PSD3: variants seen among roughly 807,000 people sequenced by gnomAD.
The protein encoded by PSD3 is PH and SEC7 domain-containing protein 3.
PSD3 carries 49 observed loss-of-function variants against 105.5 expected under a neutral mutation model. The ratio of observed to expected loss-of-function variants is 0.46; its 90% confidence interval spans 0.37 to 0.59. The LOEUF (loss-of-function observed/expected upper bound fraction) is 0.59, where lower values mean the gene tolerates loss of function less well. PSD3 is among the 20% of genes least tolerant of loss of function. The probability of loss-of-function intolerance (pLI) is 0.00; values close to 1 mark genes in which losing one functional copy is unlikely to be tolerated. For missense variants in PSD3, 1,561 were observed against 1,263.8 expected (o/e 1.24, Z -3.57); for synonymous variants, 557 against 457.8 (o/e 1.22, Z -2.77).
intron 9 of PSD3, among the ~76,000 whole-genome samples, chr8:18,756,534 G>T (rs1479893378): frequency 7.2e-6 from 1 of 139,300 alleles, no homozygotes; most frequent in Non-Finnish European, 1.5e-5. Flanking sequence ...TTAGAAATGC[G>T]ATTTGGATTC....
intron 8 of PSD3, among the ~76,000 whole-genome samples, chr8:18,770,802 A>C (rs1807449082): frequency 6.6e-6 from 1 of 152,254 alleles, no homozygotes. Context: ...GCCTTCTGCC[A>C]GCAAGGGCAA....
chr8:18,958,032 T>C (rs1349234561), intron 1 of PSD3, among the ~76,000 whole-genome samples: 4 of 152,208 alleles, frequency 2.6e-5, no homozygotes, highest in Admixed American at 2.0e-4. Context: ...CTCTTAATAA[T>C]TTATTCCACA....
Position 18,529,629 on chromosome 8 carries a change from T to C in PSD3, c.*6114A>G, listed in dbSNP as rs1248250476. 2.2e-4 allele frequency: 34 copies of C among 152,620 alleles called. No homozygotes were observed. Among genetic ancestry groups the C allele is most frequent in the Admixed American group, 2.2e-3 (34 of 15,284 alleles). The allele number at this position is 152,620 out of a possible 1,614,324, so 9.5% of individuals were successfully genotyped here. ...TTGTTCCTACAGTTTTACAAAAGTA[T>C]CTTAACAGCATTAAAAATCAATGTG... On this transcript the variant is annotated 3_prime_UTR_variant, in exon 16 of 16. Coordinates refer to ENST00000327040, the MANE Select transcript of PSD3 (RefSeq NM_015310.4).
In PSD3 at chr8:18,793,471, T is replaced by C. The variant is rs373581507; in HGVS notation, c.2082+5824A>G. On this transcript the variant is annotated intron_variant, in intron 8 of 15. Transcript: ENST00000327040. ...GTAACAAACCTGCACATCCTGCACA[T>C]AGACCCCTGACCTTAAAGTTAGAAA... 3.1e-3 allele frequency among the ~76,000 whole-genome samples: 470 copies of C among 149,798 alleles called. 2 individuals carry two copies. The highest frequency in any genetic ancestry group is 0.011 in the African/African-American group (431 of 40,802).
At chr8:18,931,122 AT>A (rs143431609) in intron 2 of PSD3, among the ~76,000 whole-genome samples, 5,788 of 149,846 alleles carry the variant, frequency 0.039, 282 homozygotes, top group East Asian at 0.17. Flanking sequence ...TCTTTTGCCC[AT>A]TTTTTTTTCC....
chr8:18,929,144 C>A (rs1421208599), intron 2 of PSD3, among the ~76,000 whole-genome samples: 5 of 152,042 alleles, frequency 3.3e-5, no homozygotes, highest in Non-Finnish European at 7.4e-5. Flanking sequence ...AAGTATTCAG[C>A]CTTCTGGGTC....
chr8:18,723,145 G>T (rs1279153815), intron 9 of PSD3, among the ~76,000 whole-genome samples: 2 of 152,150 alleles, frequency 1.3e-5, no homozygotes, highest in Non-Finnish European at 2.9e-5. Flanking sequence ...TCTTAAGAGT[G>T]ACCCACAGTA....
intron 10 of PSD3, among the ~76,000 whole-genome samples, chr8:18,644,984 C>G (rs796668469): frequency 1.3e-5 from 2 of 152,186 alleles, no homozygotes; most frequent in Non-Finnish European, 2.9e-5. Flanking sequence ...TGCTTTGCTG[C>G]CCTTCTCCTA....
At chr8:18,617,777 A>G (rs1415433615) in intron 11 of PSD3, among the ~76,000 whole-genome samples, 1 of 152,190 alleles carries the variant, frequency 6.6e-6, no homozygotes, top group African/African-American at 2.4e-5. Context: ...CGACACTGAC[A>G]AAACAGACTC....
intron 9 of PSD3, among the ~76,000 whole-genome samples, chr8:18,762,720 C>T (rs566416808): frequency 6.6e-6 from 1 of 152,266 alleles, no homozygotes; most frequent in African/African-American, 2.4e-5. Context: ...TATCATCTAT[C>T]CCTTCAATAC....
chr8:18,534,593 CAGAAGATTCCT>C lies in PSD3; in HGVS notation c.*1139_*1149del. ...AACAAAGTCACTTTGCACCTGCAAC[CAGAAGATTCCT>C]CAGTTTTCCAACCATAATTCATTCT... On this transcript the variant is annotated 3_prime_UTR_variant, in exon 16 of 16. Transcript: ENST00000327040. 6.6e-6 allele frequency: 1 copy of C among 152,270 alleles called. No homozygotes were observed. Among genetic ancestry groups the C allele is most frequent in the Admixed American group, 6.5e-5 (1 of 15,304 alleles). 9.4% of individuals were successfully genotyped at this position (152,270 alleles called of 1,614,324 possible). A position where few individuals can be genotyped will look rare whatever the true frequency, so the allele number is the denominator to read the frequency against.
intron 9 of PSD3, among the ~76,000 whole-genome samples, chr8:18,672,878 A>C (rs999597064): frequency 7.2e-5 from 11 of 152,180 alleles, no homozygotes; most frequent in African/African-American, 2.4e-4. Flanking sequence ...TTAAACCCAA[A>C]GTTAATTAAG....
intron 11 of PSD3, among the ~76,000 whole-genome samples, chr8:18,602,207 C>T (rs976890926): frequency 1.3e-5 from 2 of 152,176 alleles, no homozygotes; most frequent in African/African-American, 2.4e-5. Flanking sequence ...AAAATCTACA[C>T]ATCTACGTTT....
At chr8:18,608,984 T>C (rs998007250) in intron 11 of PSD3, among the ~76,000 whole-genome samples, 1 of 152,218 alleles carries the variant, frequency 6.6e-6, no homozygotes, top group African/African-American at 2.4e-5. Context: ...GGTGCCCTGA[T>C]CATCTTTTTT....
chr8:18,823,242 T>C (rs117705514), intron 4 of PSD3, among the ~76,000 whole-genome samples: 2,993 of 152,284 alleles, frequency 0.02, 60 homozygotes, highest in Non-Finnish European at 0.025. Context: ...TTTGGCACCA[T>C]TCTTCAAGCT....
chr8:19,050,044 A>G (rs1828465617), intron 1 of PSD3, among the ~76,000 whole-genome samples: 1 of 152,262 alleles, frequency 6.6e-6, no homozygotes, highest in African/African-American at 2.4e-5. Context: ...TTGTTCAAAC[A>G]TGCCAATCAA....
intron 9 of PSD3, among the ~76,000 whole-genome samples, chr8:18,682,074 G>A (rs1185036366): frequency 2.6e-5 from 4 of 151,774 alleles, no homozygotes; most frequent in African/African-American, 9.7e-5. Context: ...CCTGTACTGT[G>A]TGACAAACAC....
At chr8:18,591,848 G>A (rs1395586279) in intron 12 of PSD3, among the ~76,000 whole-genome samples, 3 of 152,128 alleles carry the variant, frequency 2.0e-5, no homozygotes, top group Non-Finnish European at 4.4e-5. Flanking sequence ...AACTTGCAGT[G>A]TTGCAGACAG....
chr8:18,644,375 C>T (rs1227380397), intron 10 of PSD3, among the ~76,000 whole-genome samples: 1 of 152,220 alleles, frequency 6.6e-6, no homozygotes, highest in Non-Finnish European at 1.5e-5. Context: ...ATTTATTGCA[C>T]CAGATATCTT....
Sources: allele counts gnomAD v4.1 joint callset (sites outside exome capture counted in the v4.1 genomes callset), GRCh38; gene constraint gnomAD v4.1.1; transcripts MANE v1.5; gene names NCBI Gene and HGNC (gene_info 2026-07-23, HGNC 2026-07-21).